CDH2: variants seen among roughly 807,000 people sequenced by gnomAD.
CDH2 encodes cadherin-2.
In CDH2, 17 loss-of-function variants were observed where a neutral mutation model predicts 92.0. The ratio of observed to expected loss-of-function variants is 0.18; its 90% CI spans 0.13 to 0.28. The LOEUF is 0.28. Among genes scored for constraint, CDH2 ranks in the 10% least tolerant of loss-of-function variants. CDH2 has a pLI of 1.00. For synonymous variants in CDH2, 419 were observed against 415.9 expected (o/e 1.01, Z -0.09); for missense variants, 862 against 1,133.1 (o/e 0.76, Z 3.44).
At chr18:28,089,113 T>C (rs1029121585) in intron 2 of CDH2, among the ~76,000 whole-genome samples, 2 of 152,168 alleles carry the variant, frequency 1.3e-5, no homozygotes, top group Non-Finnish European at 2.9e-5. Flanking sequence ...AGAGTACGTC[T>C]CCTTTACATG....
chr18:28,042,185 T>C (rs914957718), intron 2 of CDH2, among the ~76,000 whole-genome samples: 1 of 152,204 alleles, frequency 6.6e-6, no homozygotes, highest in Non-Finnish European at 1.5e-5. Flanking sequence ...ATTGTTAGTA[T>C]TATTATATAA....
intron 2 of CDH2, among the ~76,000 whole-genome samples, chr18:28,043,890 A>ATTGTTTTT (rs2014013791): frequency 1.1e-5 from 1 of 91,454 alleles, no homozygotes; most frequent in Non-Finnish European, 2.2e-5. Context: ...AGAATCTCGG[A>ATTGTTTTT]TTTTTTTTTT....
At chr18:28,013,038 A>G (rs1187693151) in intron 3 of CDH2, among the ~76,000 whole-genome samples, 2 of 152,236 alleles carry the variant, frequency 1.3e-5, no homozygotes, top group Non-Finnish European at 2.9e-5. Flanking sequence ...TATTATCATA[A>G]CGTTACTGAA....
At position 27,993,604 on chromosome 18, in the gene CDH2, T is replaced by C. The variant is rs1346388630; in HGVS notation, c.1054A>G (p.Thr352Ala). ...VQQYTLIIQA[T>A]DMEGNPTYGL... ...TATGTGGGATTGCCTTCCATGTCTG[T>C]AGCTTGAATTATTAACGTATACTGT... Residue 352 changes from threonine to alanine, a missense_variant, in exon 8 of 16, where the codon ACA becomes GCA. Coordinates refer to ENST00000269141, the MANE Select transcript of CDH2 (RefSeq NM_001792.5). 2 of 1,613,130 alleles carry C rather than the reference T, an allele frequency of 1.2e-6. No homozygotes were observed. The highest frequency in any genetic ancestry group is 3.3e-5 in the Admixed American group (2 of 60,004).
chr18:28,111,136 T>C (rs1568002443), intron 2 of CDH2, among the ~76,000 whole-genome samples: 1 of 152,210 alleles, frequency 6.6e-6, no homozygotes, highest in East Asian at 1.9e-4. Context: ...CTGGCCTACT[T>C]ACAGGCATTG....
At chr18:28,065,704 T>C (rs1184261104) in intron 2 of CDH2, among the ~76,000 whole-genome samples, 1 of 152,180 alleles carries the variant, frequency 6.6e-6, no homozygotes, top group Non-Finnish European at 1.5e-5. Flanking sequence ...TCCTCTCTCA[T>C]TGTCATCTTT....
Position 28,079,826 on chromosome 18 carries a change from T to C in CDH2, c.173-65917A>G, listed in dbSNP as rs144201990. Among the ~76,000 whole-genome samples the C allele has an allele frequency of 2.9e-3, 449 of 152,268 alleles. 3 individuals carry two copies. The highest frequency in any genetic ancestry group is 0.01 in the African/African-American group (435 of 41,558). Reference sequence around the variant, plus strand: ...TTTTAAAGGTAAATTCCACCCCCCCTCAGAAAACGTGTCATGTGACCATAG... The same window carrying C: ...TTTTAAAGGTAAATTCCACCCCCCCCCAGAAAACGTGTCATGTGACCATAG... On this transcript the variant is annotated intron_variant, in intron 2 of 15. Transcript: ENST00000269141.
At chr18:28,148,861 T>TA (rs2016078513) in intron 1 of CDH2, among the ~76,000 whole-genome samples, 1 of 152,190 alleles carries the variant, frequency 6.6e-6, no homozygotes, top group African/African-American at 2.4e-5. Context: ...TTGCAAATAC[T>TA]AATGTTGCAA....
intron 14 of CDH2, among the ~76,000 whole-genome samples, chr18:27,980,777 A>C (rs900942679): frequency 1.3e-5 from 2 of 150,238 alleles, no homozygotes; most frequent in African/African-American, 4.9e-5. Context: ...ATTTATGTCC[A>C]AGAGTTTGGC....
intron 2 of CDH2, among the ~76,000 whole-genome samples, chr18:28,073,788 C>G (rs191163718): frequency 3.3e-5 from 5 of 152,150 alleles, no homozygotes; most frequent in Non-Finnish European, 7.4e-5. Context: ...TGATATTCTA[C>G]TAGCCATGTG....
intron 2 of CDH2, among the ~76,000 whole-genome samples, chr18:28,108,776 T>TA (rs566385594): frequency 0.058 from 8,003 of 137,448 alleles, 727 homozygotes; most frequent in African/African-American, 0.2. Context: ...TAGATGTACC[T>TA]AAAAAAAAAA....
rs17494094 is a variant in CDH2 at position 28,051,004 on chromosome 18, T to C, written c.173-37095A>G. On this transcript the variant is annotated intron_variant, in intron 2 of 15. Coordinates refer to ENST00000269141, the MANE Select transcript of CDH2 (RefSeq NM_001792.5). ...ACCAGGCATATTCCTAACTAATCCA[T>C]GTTACCAACTGAAAAGAAAATATTT... 9.4e-3 allele frequency among the ~76,000 whole-genome samples: 1,425 copies of C among 152,330 alleles called. 19 individuals are homozygous for C. The highest frequency in any genetic ancestry group is 0.043 in the East Asian group (221 of 5,192).
At chr18:28,132,742 CT>C (rs2015793369) in intron 2 of CDH2, among the ~76,000 whole-genome samples, 2 of 152,302 alleles carry the variant, frequency 1.3e-5, no homozygotes, top group Non-Finnish European at 1.5e-5. Flanking sequence ...ATAGTGTCCC[CT>C]ATGCAACTGA....
At chr18:27,954,341 A>G (rs1909605354) in intron 15 of CDH2, among the ~76,000 whole-genome samples, 1 of 152,088 alleles carries the variant, frequency 6.6e-6, no homozygotes, top group Non-Finnish European at 1.5e-5. Flanking sequence ...ACACACACCC[A>G]CACTCCCACA....
At chr18:28,106,048 C>A (rs1433974278) in intron 2 of CDH2, among the ~76,000 whole-genome samples, 1 of 152,206 alleles carries the variant, frequency 6.6e-6, no homozygotes, top group African/African-American at 2.4e-5. Context: ...TCTGCTCAGG[C>A]AGTTAATGTG....
chr18:28,174,225 G>A (rs567855131), intron 1 of CDH2, among the ~76,000 whole-genome samples: 1 of 151,642 alleles, frequency 6.6e-6, no homozygotes, highest in South Asian at 2.1e-4. Context: ...TAAAACTATC[G>A]GCTGCTTAGT....
intron 6 of CDH2, among the ~76,000 whole-genome samples, chr18:27,938,069 T>C (rs1248335663): frequency 6.6e-6 from 1 of 152,094 alleles, no homozygotes; most frequent in Non-Finnish European, 1.5e-5. Flanking sequence ...CTCGCGATAG[T>C]GAGTTCTTGT....
chr18:28,140,896 ATATATATATATATACC>A (rs56014580), intron 2 of CDH2, among the ~76,000 whole-genome samples: 1 of 30,848 alleles, frequency 3.2e-5, no homozygotes, highest in African/African-American at 1.5e-4. Flanking sequence ...TCCAAACAAG[ATATATATATATATACC>A]TATATATATA....
At chr18:28,128,685 CAAA>C (rs35960464) in intron 2 of CDH2, among the ~76,000 whole-genome samples, 2 of 113,846 alleles carry the variant, frequency 1.8e-5, no homozygotes, top group African/African-American at 3.2e-5. Flanking sequence ...GACCCCGTCT[CAAA>C]AAAAAAAAAA....
Sources: gnomAD v4.1 joint callset for allele counts (sites outside exome capture counted in the v4.1 genomes callset) on GRCh38, gnomAD v4.1.1 for gene constraint, MANE v1.5 for transcripts, NCBI Gene and HGNC (gene_info 2026-07-23, HGNC 2026-07-21) for gene names.